SNTB1: variants seen among roughly 807,000 people sequenced by gnomAD.
SNTB1 encodes the protein beta-1-syntrophin.
In SNTB1, 36 loss-of-function variants were observed where a neutral mutation model predicts 48.9. That is an observed-to-expected ratio of 0.74 (90% CI 0.56 to 0.97). The LOEUF (loss-of-function observed/expected upper bound fraction) is 0.97. SNTB1 is among the 50% of genes least tolerant of loss of function. The probability of loss-of-function intolerance (pLI) is 0.00; values close to 1 mark genes in which losing one functional copy is unlikely to be tolerated. For missense variants in SNTB1, 786 were observed against 703.4 expected (o/e 1.12, Z -1.33); for synonymous variants, 299 against 294.6 (o/e 1.01, Z -0.15).
chr8:120,810,816 T>C lies in SNTB1; in HGVS notation c.571+457A>G, dbSNP rs557939654. ...CTGCCCAGGCTTTGGAGTGGGAAAT[T>C]TTGCCAAAGCGGAAAACTATGAGTT... On this transcript the variant is annotated intron_variant, in intron 1 of 6. Transcript: ENST00000517992. Among the ~76,000 whole-genome samples the C allele has an allele frequency of 1.8e-4, 27 of 152,146 alleles. No individual in the cohort carries two copies. The South Asian group carries it at 5.6e-3, about 32-fold the overall frequency.
rs949606583 is a variant in SNTB1, at chr8:120,663,031, G to T, written c.789-30380C>A. ...TGGGGGTGGGGGGGCTGGTGGGGGG[G>T]GTATTTGGGTGGTGGCAGATACAGA... On this transcript the variant is annotated intron_variant, in intron 2 of 6. Coordinates refer to ENST00000517992, the MANE Select transcript of SNTB1 (RefSeq NM_021021.4). Among the ~76,000 whole-genome samples, 6 of 141,472 alleles carry T rather than the reference G, an allele frequency of 4.2e-5. 1 individual carries two copies. The highest frequency in any genetic ancestry group is 1.5e-4 in the African/African-American group (6 of 38,868). 92.8% of individuals were successfully genotyped at this position (141,472 alleles called of 152,430 possible).
intron 6 of SNTB1, among the ~76,000 whole-genome samples, chr8:120,539,931 G>A (rs1269338867): frequency 6.6e-6 from 1 of 152,158 alleles, no homozygotes; most frequent in Non-Finnish European, 1.5e-5. Flanking sequence ...ATTCAGGGAA[G>A]TTATGAAACT....
chr8:120,626,342 G>T (rs955391872), intron 3 of SNTB1, among the ~76,000 whole-genome samples: 9 of 152,204 alleles, frequency 5.9e-5, no homozygotes, highest in African/African-American at 1.9e-4. Context: ...GCACAGTAGT[G>T]CTGGGTAATA....
chr8:120,808,926 A>G (rs1176863800), intron 1 of SNTB1, among the ~76,000 whole-genome samples: 1 of 152,196 alleles, frequency 6.6e-6, no homozygotes, highest in Non-Finnish European at 1.5e-5. Flanking sequence ...CACTTGCTAT[A>G]TAAATGTACC....
At chr8:120,720,258 C>T (rs1156652089) in intron 1 of SNTB1, among the ~76,000 whole-genome samples, 1 of 152,234 alleles carries the variant, frequency 6.6e-6, no homozygotes, top group African/African-American at 2.4e-5. Context: ...CCTCCAGCTC[C>T]CTCCTTGGCC....
chr8:120,606,232 T>A lies in SNTB1; in HGVS notation c.996+26212A>T, dbSNP rs188261670. Among the ~76,000 whole-genome samples the A allele has an allele frequency of 8.6e-3, 1,265 of 147,050 alleles. 14 individuals are homozygous for A. Among genetic ancestry groups the A allele is most frequent in the Non-Finnish European group, 0.012 (799 of 66,908 alleles). Reference sequence around the variant, plus strand: ...ATATGGAATTATAATATAATATAATTATATATAATATAATAATATATAATT... The same window carrying A: ...ATATGGAATTATAATATAATATAATAATATATAATATAATAATATATAATT... On this transcript the variant is annotated intron_variant, in intron 3 of 6. Coordinates refer to ENST00000517992, the MANE Select transcript of SNTB1 (RefSeq NM_021021.4).
chr8:120,565,072 G>C (rs1456640666), intron 4 of SNTB1, among the ~76,000 whole-genome samples: 1 of 151,998 alleles, frequency 6.6e-6, no homozygotes, highest in African/African-American at 2.4e-5. Context: ...GAGACATTTT[G>C]TTGGCTTATT....
At chr8:120,801,697 T>C (rs572875823) in intron 1 of SNTB1, among the ~76,000 whole-genome samples, 3 of 152,276 alleles carry the variant, frequency 2.0e-5, no homozygotes, top group Admixed American at 6.5e-5. Context: ...TGAAAATTGC[T>C]GCCATCTTAA....
intron 4 of SNTB1, among the ~76,000 whole-genome samples, chr8:120,574,645 T>C (rs2130685903): frequency 6.6e-6 from 1 of 152,302 alleles, no homozygotes; most frequent in African/African-American, 2.4e-5. Flanking sequence ...AACTGAGAAA[T>C]AACTTGTTAT....
intron 5 of SNTB1, among the ~76,000 whole-genome samples, chr8:120,547,165 G>T (rs536792176): frequency 9.9e-5 from 15 of 152,180 alleles, no homozygotes; most frequent in Non-Finnish European, 1.9e-4. Context: ...ACACACATGG[G>T]GTACACACAC....
chr8:120,727,416 G>A (rs1818776384), intron 1 of SNTB1, among the ~76,000 whole-genome samples: 2 of 152,152 alleles, frequency 1.3e-5, no homozygotes, highest in South Asian at 2.1e-4. Flanking sequence ...GGAACAGTGA[G>A]CAAGTCATCT....
At chr8:120,701,612 G>A (rs1428897425) in intron 1 of SNTB1, among the ~76,000 whole-genome samples, 1 of 152,174 alleles carries the variant, frequency 6.6e-6, no homozygotes, top group East Asian at 1.9e-4. Context: ...CTGACAAATA[G>A]GAATATAAGC....
At chr8:120,675,051 A>T (rs951958623) in intron 2 of SNTB1, among the ~76,000 whole-genome samples, 3 of 152,202 alleles carry the variant, frequency 2.0e-5, no homozygotes, top group Non-Finnish European at 4.4e-5. Context: ...TGCAAATAGT[A>T]AAGGTCTCTA....
intron 1 of SNTB1, among the ~76,000 whole-genome samples, chr8:120,795,118 A>G (rs1051814123): frequency 6.6e-6 from 1 of 152,098 alleles, no homozygotes. Flanking sequence ...ATACTTATAC[A>G]TTTAAAATTT....
chr8:120,648,680 G>A (rs565811945), intron 2 of SNTB1, among the ~76,000 whole-genome samples: 118 of 151,424 alleles, frequency 7.8e-4, no homozygotes, highest in African/African-American at 2.3e-3. Context: ...TCTTTGTGGC[G>A]TTGTCTGTAT....
intron 4 of SNTB1, among the ~76,000 whole-genome samples, chr8:120,566,633 A>G (rs547397818): frequency 1.3e-5 from 2 of 152,346 alleles, no homozygotes; most frequent in South Asian, 4.1e-4. Context: ...ACAATCTTCT[A>G]AATCAATAGT....
intron 2 of SNTB1, among the ~76,000 whole-genome samples, chr8:120,634,713 A>G (rs183245105): frequency 1.3e-5 from 2 of 152,320 alleles, no homozygotes; most frequent in East Asian, 3.9e-4. Context: ...AGAAGACCCA[A>G]TGCAACTTGG....
chr8:120,709,311 T>C (rs1818425336), intron 1 of SNTB1, among the ~76,000 whole-genome samples: 1 of 152,130 alleles, frequency 6.6e-6, no homozygotes, highest in African/African-American at 2.4e-5. Context: ...TTAAAAAGGA[T>C]AGAAAATATG....
intron 1 of SNTB1, among the ~76,000 whole-genome samples, chr8:120,723,709 T>C (rs2129956421): frequency 6.6e-6 from 1 of 152,332 alleles, no homozygotes; most frequent in Admixed American, 6.5e-5. Flanking sequence ...TCCCTGGGCA[T>C]ACTTGACCTC....
Sources: gnomAD v4.1 joint callset for allele counts (sites outside exome capture counted in the v4.1 genomes callset) on GRCh38, gnomAD v4.1.1 for gene constraint, MANE v1.5 for transcripts, NCBI Gene and HGNC (gene_info 2026-07-23, HGNC 2026-07-21) for gene names.